Variants in CNTNAP5 observed in about 807,000 individuals in gnomAD.
CNTNAP5 encodes contactin-associated protein-like 5.
In CNTNAP5, 72 loss-of-function variants were observed where a neutral mutation model predicts 150.2. The ratio of observed to expected loss-of-function variants is 0.48; its 90% CI spans 0.40 to 0.58. The LOEUF (loss-of-function observed/expected upper bound fraction) is 0.58, where lower values mean the gene tolerates loss of function less well. Ranked by LOEUF, CNTNAP5 falls within the 20% of genes least tolerant of loss-of-function variation. The pLI is 0.00. For missense variants in CNTNAP5, 1,636 were observed against 1,626.2 expected, an observed-to-expected ratio of 1.01 and a Z score of -0.10; for synonymous variants, 672 against 619.8, an observed-to-expected ratio of 1.08 and a Z score of -1.25.
intron 3 of CNTNAP5, among the ~76,000 whole-genome samples, chr2:124,374,596 T>A (rs538145966): frequency 2.1e-3 from 318 of 152,220 alleles, no homozygotes; most frequent in Non-Finnish European, 3.3e-3. Flanking sequence ...TAGGCAAAGG[T>A]TTAAGATGAC....
At chr2:124,242,446 C>G (rs544759608) in intron 3 of CNTNAP5, 53 bp downstream of exon 3, 1 of 1,498,350 alleles carries the variant, frequency 6.7e-7, no homozygotes, top group South Asian at 1.2e-5. Flanking sequence ...CTAATGGTAA[C>G]CAGAGTATAT....
intron 1 of CNTNAP5, among the ~76,000 whole-genome samples, chr2:124,089,505 A>T (rs1184481737): frequency 6.6e-6 from 1 of 152,170 alleles, no homozygotes; most frequent in African/African-American, 2.4e-5. Context: ...TACCAGCTCC[A>T]TTATGTTTTG....
intron 16 of CNTNAP5, among the ~76,000 whole-genome samples, chr2:124,769,425 C>G (rs1681142878): frequency 6.6e-6 from 1 of 150,802 alleles, no homozygotes. Context: ...CTTAGTTTTG[C>G]CTTGAACCAT....
At chr2:124,650,364 T>A (rs1388258320) in intron 13 of CNTNAP5, among the ~76,000 whole-genome samples, 2 of 152,174 alleles carry the variant, frequency 1.3e-5, no homozygotes. Context: ...ACACTTTCAC[T>A]GCCAGGACAG....
At chr2:124,763,204 T>A (rs1212603072) in intron 14 of CNTNAP5, among the ~76,000 whole-genome samples, 1 of 151,746 alleles carries the variant, frequency 6.6e-6, no homozygotes, top group Non-Finnish European at 1.5e-5. Flanking sequence ...AGTTAAAAGG[T>A]GGTTAAAAAA....
chr2:124,380,377 G>A (rs1273325494), intron 3 of CNTNAP5, among the ~76,000 whole-genome samples: 6 of 152,052 alleles, frequency 3.9e-5, no homozygotes, highest in African/African-American at 1.2e-4. Context: ...TCACAATACC[G>A]ACCAGTTTTT....
At chr2:124,540,917 C>G (rs1250374028) in intron 10 of CNTNAP5, among the ~76,000 whole-genome samples, 1 of 152,104 alleles carries the variant, frequency 6.6e-6, no homozygotes, top group Non-Finnish European at 1.5e-5. Context: ...AGGAGAGAAC[C>G]TGAGAGGAAG....
chr2:124,911,596 A>G, intron 23 of CNTNAP5, 58 bp downstream of exon 23: 6 of 1,357,106 alleles, frequency 4.4e-6, no homozygotes, highest in Non-Finnish European at 5.2e-6. Flanking sequence ...TATTCTGGAG[A>G]AAGTTATCTG....
intron 21 of CNTNAP5, among the ~76,000 whole-genome samples, chr2:124,899,259 G>A (rs1400166821): frequency 6.6e-6 from 1 of 151,346 alleles, no homozygotes; most frequent in Non-Finnish European, 1.5e-5. Flanking sequence ...AATTCATGTG[G>A]TAGGTACTAT....
chr2:124,821,347 A>G (rs1345019183), intron 19 of CNTNAP5, among the ~76,000 whole-genome samples: 1 of 152,150 alleles, frequency 6.6e-6, no homozygotes, highest in Non-Finnish European at 1.5e-5. Flanking sequence ...ATTTTCTTTT[A>G]CACTAAGGTA....
intron 3 of CNTNAP5, among the ~76,000 whole-genome samples, chr2:124,356,844 A>G (rs1452803327): frequency 6.6e-6 from 1 of 151,576 alleles, no homozygotes; most frequent in African/African-American, 2.4e-5. Flanking sequence ...GCTGGGTCAA[A>G]TGGTATTTCT....
intron 5 of CNTNAP5, among the ~76,000 whole-genome samples, chr2:124,444,942 C>T (rs953373861): frequency 4.6e-5 from 7 of 152,158 alleles, no homozygotes; most frequent in Non-Finnish European, 7.3e-5. Flanking sequence ...AACCTGCATA[C>T]ATTTTATAGA....
chr2:124,427,746 C>T (rs901226670), intron 4 of CNTNAP5, among the ~76,000 whole-genome samples: 3 of 152,082 alleles, frequency 2.0e-5, no homozygotes, highest in Admixed American at 6.6e-5. Flanking sequence ...TGTGAGCCAC[C>T]GTGCCCGGCC....
intron 21 of CNTNAP5, among the ~76,000 whole-genome samples, chr2:124,872,591 G>T (rs1677775456): frequency 6.6e-6 from 1 of 151,254 alleles, no homozygotes; most frequent in African/African-American, 2.4e-5. Flanking sequence ...TCTGAACAGA[G>T]AAGAAATATA....
At chr2:124,193,580 G>C (rs1250619697) in intron 1 of CNTNAP5, among the ~76,000 whole-genome samples, 1 of 152,096 alleles carries the variant, frequency 6.6e-6, no homozygotes, top group African/African-American at 2.4e-5. Flanking sequence ...TGAAGCTCTA[G>C]GTTGGCATTC....
intron 19 of CNTNAP5, among the ~76,000 whole-genome samples, chr2:124,860,090 G>C (rs998509287): frequency 6.6e-6 from 1 of 151,886 alleles, no homozygotes; most frequent in African/African-American, 2.4e-5. Flanking sequence ...GGTGACTCAC[G>C]CCTGTAATCC....
At chr2:124,358,961 G>A (rs1690109052) in intron 3 of CNTNAP5, among the ~76,000 whole-genome samples, 1 of 149,706 alleles carries the variant, frequency 6.7e-6, no homozygotes, top group Non-Finnish European at 1.5e-5. Flanking sequence ...GTAAACTATT[G>A]ATTATTGCCA....
At chr2:124,052,814 G>T (rs1427573161) in intron 1 of CNTNAP5, among the ~76,000 whole-genome samples, 1 of 152,296 alleles carries the variant, frequency 6.6e-6, no homozygotes, top group African/African-American at 2.4e-5. Flanking sequence ...TCTGCATTTT[G>T]TATTCCAATT....
At chr2:124,746,197 C>A (rs1449647550) in intron 13 of CNTNAP5, among the ~76,000 whole-genome samples, 1 of 152,168 alleles carries the variant, frequency 6.6e-6, no homozygotes, top group African/African-American at 2.4e-5. Context: ...AAAGGGAGCC[C>A]AGGCCTCACA....
Sources: allele counts gnomAD v4.1 joint callset (sites outside exome capture counted in the v4.1 genomes callset), GRCh38; gene constraint gnomAD v4.1.1; transcripts MANE v1.5; gene names NCBI Gene and HGNC (gene_info 2026-07-23, HGNC 2026-07-21).